Variants in ITPR2 observed in about 807,000 individuals in gnomAD.
The protein encoded by ITPR2 is inositol 1,4,5-trisphosphate-gated calcium channel ITPR2.
In ITPR2, 207 loss-of-function variants were observed where a neutral mutation model predicts 317.1. The ratio of observed to expected loss-of-function variants is 0.65; its 90% CI spans 0.58 to 0.73. ITPR2 has a LOEUF of 0.73. Ranked by LOEUF, ITPR2 falls within the 30% of genes least tolerant of loss-of-function variation. The pLI is 0.00. For synonymous variants in ITPR2, 1,156 were observed against 1,149.1 expected (o/e 1.01, Z -0.12); for missense variants, 2,613 against 3,284.0 (o/e 0.80, Z 4.99).
chr12:26,590,779 G>A (rs572232018), intron 32 of ITPR2, among the ~76,000 whole-genome samples: 38 of 152,144 alleles, frequency 2.5e-4, no homozygotes, highest in South Asian at 8.3e-4. Context: ...ATGGGATGAC[G>A]TTAAGTTAAA....
intron 18 of ITPR2, 51 bp from the exon 19 acceptor site, chr12:26,656,599 TA>T (rs1394672272): frequency 6.3e-7 from 1 of 1,585,272 alleles, no homozygotes; most frequent in Non-Finnish European, 8.6e-7. Context: ...AGGAAATCTT[TA>T]AACGTCATAG....
chr12:26,374,764 A>C (rs1211413246), intron 55 of ITPR2, among the ~76,000 whole-genome samples: 1 of 152,196 alleles, frequency 6.6e-6, no homozygotes, highest in East Asian at 1.9e-4. Context: ...TTATTTCCAA[A>C]ACATCTTGAT....
At chr12:26,740,287 C>T (rs906445134) in intron 2 of ITPR2, among the ~76,000 whole-genome samples, 4 of 152,298 alleles carry the variant, frequency 2.6e-5, no homozygotes, top group Admixed American at 2.6e-4. Flanking sequence ...ATTGAGACTA[C>T]TGAGCATTGA....
chr12:26,411,497 T>G, intron 51 of ITPR2, 85 bp from the exon 52 acceptor site: 1 of 874,594 alleles, frequency 1.1e-6, no homozygotes, highest in Non-Finnish European at 1.8e-6. Context: ...GATATGTAAA[T>G]TAAAGGCATT....
At chr12:26,406,442 T>G (rs996400880) in intron 52 of ITPR2, 3 of 150,074 alleles carry the variant, frequency 2.0e-5, no homozygotes, top group Admixed American at 6.6e-5. Flanking sequence ...TTTTTTTTTT[T>G]TTTTTTTTTT....
At chr12:26,673,714 A>G (rs375341464) in intron 13 of ITPR2, among the ~76,000 whole-genome samples, 4 of 148,484 alleles carry the variant, frequency 2.7e-5, no homozygotes, top group East Asian at 2.0e-4. Flanking sequence ...GCAGGAGAAG[A>G]AAATAAAGGG....
rs996864149 is a variant in ITPR2, at chr12:26,535,082, C to A, written c.5073+15165G>T. ...ATATGTGTATGAGGTGGTGGATATG[C>A]TGAATACCTTAATTTGATTTTTATG... On this transcript the variant is annotated intron_variant, in intron 37 of 56. Coordinates refer to ENST00000381340, the MANE Select transcript of ITPR2 (RefSeq NM_002223.4). Among the ~76,000 whole-genome samples, 5 of 152,188 alleles carry A rather than the reference C, an allele frequency of 3.3e-5. No individual in the cohort carries two copies. The Middle Eastern group carries it at 0.01, about 311-fold the overall frequency.
At position 26,336,983 on chromosome 12, in the gene ITPR2, T is replaced by TA. The variant is rs1042846328; in HGVS notation, c.*2413_*2414insT. The TA allele has an allele frequency of 4.0e-5, 6 of 150,894 alleles. No individual in the cohort carries two copies. Among genetic ancestry groups the TA allele is most frequent in the African/African-American group, 1.5e-4 (6 of 41,272 alleles). The allele number at this position is 150,894 out of a possible 1,614,324, so 9.3% of individuals were successfully genotyped here. ...TCTGCTTCGATTTTTTGTTGCTGTT[T>TA]TTTTTTTTTTTGCTTTATAATTTCT... On this transcript the variant is annotated 3_prime_UTR_variant, in exon 57 of 57. Transcript: ENST00000381340.
intron 48 of ITPR2, 67 bp from the exon 49 acceptor site, chr12:26,428,155 C>T (rs2136703607): frequency 7.9e-7 from 1 of 1,261,502 alleles, no homozygotes; most frequent in South Asian, 1.7e-5. Flanking sequence ...ATATTTGCTG[C>T]TCTACTTTAT....
chr12:26,562,110 T>C (rs1234538848), intron 34 of ITPR2, among the ~76,000 whole-genome samples, 158 bp from the exon 35 acceptor site: 2 of 152,254 alleles, frequency 1.3e-5, no homozygotes, highest in Admixed American at 6.5e-5. Flanking sequence ...AACCTGAATG[T>C]ATTTCAATTC....
Position 26,686,522 on chromosome 12 carries a change from T to C in ITPR2, c.1107A>G (p.Leu369=). Residue 369 remains leucine, a synonymous_variant, in exon 11 of 57, where the codon CTA becomes CTG. Transcript: ENST00000381340. ...CAGCTCTCTGAAGAGTTGTGGCATC[T>C]AGTTCAAAAAGGGATGCAATGTCAT... is the stretch of plus-strand genomic sequence containing the variant. ...HGNDIASLFE[L]DATTLQRADC... is the part of the protein sequence containing the mutation. 3 of 1,610,594 alleles carry C rather than the reference T, an allele frequency of 1.9e-6. No homozygotes were observed. The highest frequency in any genetic ancestry group is 1.7e-5 in the Admixed American group (1 of 59,634).
Position 26,335,479 on chromosome 12 carries a change from A to G in ITPR2, c.*3918T>C, listed in dbSNP as rs766080762. ...GAGAGAAAGTCTTCTTGGTGATATGAGAAATACTGGTGTGATAATTTCATA... is the reference window on the plus strand; with the variant it reads ...GAGAGAAAGTCTTCTTGGTGATATGGGAAATACTGGTGTGATAATTTCATA... On this transcript the variant is annotated 3_prime_UTR_variant, in exon 57 of 57. Transcript: ENST00000381340. Among the ~76,000 whole-genome samples the G allele has an allele frequency of 6.6e-6, 1 of 152,194 alleles. No homozygotes were observed. Among genetic ancestry groups the G allele is most frequent in the Non-Finnish European group, 1.5e-5 (1 of 68,038 alleles).
chr12:26,624,192 G>T, intron 24 of ITPR2, 107 bp downstream of exon 24: 1 of 740,020 alleles, frequency 1.4e-6, no homozygotes, highest in East Asian at 2.8e-5. Context: ...CAACAATAGA[G>T]GGTCTAAAAA....
intron 37 of ITPR2, among the ~76,000 whole-genome samples, chr12:26,534,198 C>A (rs1565586365): frequency 6.6e-6 from 1 of 152,218 alleles, no homozygotes; most frequent in Non-Finnish European, 1.5e-5. Flanking sequence ...GTAATATTCC[C>A]TTTTCTCCCT....
At chr12:26,802,177 G>A (rs1230456612) in intron 1 of ITPR2, among the ~76,000 whole-genome samples, 1 of 151,996 alleles carries the variant, frequency 6.6e-6, no homozygotes, top group Non-Finnish European at 1.5e-5. Flanking sequence ...GCATGCACCT[G>A]TGGTCCCAGC....
chr12:26,735,441 A>G (rs1949104803), intron 2 of ITPR2, among the ~76,000 whole-genome samples: 1 of 152,096 alleles, frequency 6.6e-6, no homozygotes, highest in Admixed American at 6.6e-5. Context: ...GGAAAAGAGT[A>G]AGGGAAGGGG....
intron 54 of ITPR2, among the ~76,000 whole-genome samples, chr12:26,390,575 G>A (rs889032958): frequency 2.2e-4 from 34 of 152,240 alleles, no homozygotes; most frequent in African/African-American, 7.2e-4. Flanking sequence ...AAGTAGAGCC[G>A]AGGCAGAGAT....
intron 16 of ITPR2, 89 bp from the exon 17 acceptor site, chr12:26,658,219 A>G: frequency 3.4e-6 from 3 of 873,458 alleles, no homozygotes; most frequent in African/African-American, 1.7e-5. Context: ...ATATAATAAA[A>G]TAAACTTATT....
chr12:26,391,966 A>G (rs995908004), intron 54 of ITPR2, among the ~76,000 whole-genome samples: 2 of 152,134 alleles, frequency 1.3e-5, no homozygotes, highest in African/African-American at 4.8e-5. Context: ...GAGACTAAGG[A>G]TGCAAGACCC....
Sources: gnomAD v4.1 joint callset for allele counts (sites outside exome capture counted in the v4.1 genomes callset) on GRCh38, gnomAD v4.1.1 for gene constraint, MANE v1.5 for transcripts, NCBI Gene and HGNC (gene_info 2026-07-23, HGNC 2026-07-21) for gene names.